Variants in BRD8 observed in about 807,000 individuals in gnomAD.
BRD8 encodes the protein bromodomain containing 8, also known as bromodomain-containing protein 8.
Under a neutral mutation model 143.1 loss-of-function variants are expected in BRD8, and 67 were observed. That is an observed-to-expected ratio of 0.47 (90% CI 0.38 to 0.57). The LOEUF (loss-of-function observed/expected upper bound fraction) is 0.57. Among genes scored for constraint, BRD8 ranks in the 20% least tolerant of loss-of-function variants. The pLI is 0.00. For synonymous variants in BRD8, 505 were observed against 517.1 expected, an observed-to-expected ratio of 0.98 and a Z score of 0.32; for missense variants, 1,103 against 1,503.0, an observed-to-expected ratio of 0.73 and a Z score of 4.40.
intron 2 of BRD8, among the ~76,000 whole-genome samples, chr5:138,176,989 G>A (rs1036037396): frequency 6.6e-6 from 1 of 151,464 alleles, no homozygotes; most frequent in African/African-American, 2.4e-5. Flanking sequence ...TCAAGAGGCT[G>A]AGGTGGAGGA....
At chr5:138,145,965 G>T in intron 23 of BRD8, 87 bp from the exon 24 acceptor site, 1 of 1,001,786 alleles carries the variant, frequency 1.0e-6, no homozygotes, top group South Asian at 1.4e-5. Flanking sequence ...GTTTTCTTAA[G>T]ACATGCTCCT....
intron 20 of BRD8, among the ~76,000 whole-genome samples, chr5:138,154,974 C>T (rs572240346): frequency 1.1e-3 from 172 of 151,724 alleles, no homozygotes; most frequent in African/African-American, 4.0e-3. Context: ...GGATTACAGG[C>T]GCCCACCACC....
intron 20 of BRD8, among the ~76,000 whole-genome samples, chr5:138,155,935 G>A (rs1752572379): frequency 6.6e-6 from 1 of 152,062 alleles, no homozygotes; most frequent in Non-Finnish European, 1.5e-5. Flanking sequence ...GTGCAGTGAT[G>A]CAATTATAGG....
chr5:138,167,966 G>A lies in BRD8; in HGVS notation c.755C>T (p.Pro252Leu). ...AGCAGGGGAGGCTGCAACAGTATTG[G>A]GTGTTTGCTGTATCTCCCCACCATG... ...MIHGGEIQQT[P>L]NTVAASPAAS... is the part of the protein sequence containing the mutation. The change falls in exon 9 of 27, where the codon CCC becomes CTC. Residue 252 changes from proline to leucine, a missense_variant. By Grantham distance (98) the Pro-to-Leu change is moderately conservative. Around this residue, in one of 7 missense-constraint regions of BRD8, gnomAD observed 334 missense variants for 372.5 expected, o/e 0.90. Transcript: ENST00000254900. The A allele has an allele frequency of 6.2e-7, 1 of 1,613,652 alleles. No homozygotes were observed. Among genetic ancestry groups the A allele is most frequent in the African/African-American group, 1.3e-5 (1 of 75,028 alleles).
At chr5:138,168,684 G>A in intron 8 of BRD8, 1 of 1,558,016 alleles carries the variant, frequency 6.4e-7, no homozygotes, top group South Asian at 1.1e-5. Context: ...AGTCCCGGGG[G>A]TTACCTAAGA....
chr5:138,167,559 T>TAA (rs1189523374), intron 9 of BRD8: 5 of 204,280 alleles, frequency 2.4e-5, no homozygotes, highest in Non-Finnish European at 5.0e-5. Context: ...AAAGCTAAGT[T>TAA]ACCTATCCAA....
intron 2 of BRD8, 113 bp from the exon 3 acceptor site, chr5:138,172,247 A>G: frequency 1.2e-6 from 1 of 825,766 alleles, no homozygotes; most frequent in Non-Finnish European, 2.0e-6. Flanking sequence ...GCGAATGGCC[A>G]GGCGCGGTGG....
At position 138,157,014 on chromosome 5, in the gene BRD8, T is replaced by C. The variant is rs1002845760; in HGVS notation, c.2577+2541A>G. ...CTAGCTACACATTAGGACATTAACA[T>C]AGCCCATGGTTTCTGCCCTAAAACA... On this transcript the variant is annotated intron_variant, in intron 20 of 26. Coordinates refer to ENST00000254900, the MANE Select transcript of BRD8 (RefSeq NM_139199.2). 6.3e-6 allele frequency: 9 copies of C among 1,431,568 alleles called. No homozygotes were observed. In the East Asian group the frequency reaches 7.5e-5, roughly 12 times the overall value. The allele number at this position is 1,431,568 out of a possible 1,614,324, so 88.7% of individuals were successfully genotyped here.
At chr5:138,148,818 A>G (rs1245595888) in intron 23 of BRD8, among the ~76,000 whole-genome samples, 2 of 151,970 alleles carry the variant, frequency 1.3e-5, no homozygotes. Flanking sequence ...TAATCCCAAC[A>G]CTTTAGGAGG....
In BRD8 at chr5:138,177,741, A is replaced by C. The variant is rs1754477056; in HGVS notation, c.20-74T>G. The C allele has an allele frequency of 7.9e-6, 7 of 883,472 alleles. 1 individual carries two copies. The Admixed American group carries it at 9.0e-5, about 11-fold the overall frequency. The allele number at this position is 883,472 out of a possible 1,614,324, so 54.7% of individuals were successfully genotyped here. On this transcript the variant is annotated intron_variant, in intron 1 of 26. Coordinates refer to ENST00000254900, the MANE Select transcript of BRD8 (RefSeq NM_139199.2). ...TGTAGTGCTAAGCTCCAAAATCCCC[A>C]AAAAGAGGACTAAAAGCCTAATACA...
intron 20 of BRD8, among the ~76,000 whole-genome samples, chr5:138,155,072 C>T (rs1752527570): frequency 6.6e-6 from 1 of 152,032 alleles, no homozygotes; most frequent in African/African-American, 2.4e-5. Context: ...CTCAAGTGAT[C>T]CGCCCACCTT....
At chr5:138,177,874 GAATTATT>G (rs1298949457) in intron 1 of BRD8, among the ~76,000 whole-genome samples, 2 of 152,130 alleles carry the variant, frequency 1.3e-5, no homozygotes, top group Admixed American at 6.5e-5. Context: ...CGTTGCATGT[GAATTATT>G]AACATTTTAT....
intron 6 of BRD8, 42 bp downstream of exon 6, chr5:138,170,790 T>C: frequency 6.5e-7 from 1 of 1,545,028 alleles, no homozygotes. Flanking sequence ...GAAAAGAGGG[T>C]AAAAAGAAAG....
At chr5:138,172,521 CAAAAAAAAAAAAA>C (rs10547758) in intron 2 of BRD8, among the ~76,000 whole-genome samples, 3 of 24,690 alleles carry the variant, frequency 1.2e-4, no homozygotes, top group East Asian at 6.2e-3. Flanking sequence ...GACTCCATCT[CAAAAAAAAAAAAA>C]AAAAAAAAAA....
chr5:138,152,823 A>G, intron 20 of BRD8, 63 bp from the exon 21 acceptor site: 5 of 1,538,802 alleles, frequency 3.2e-6, no homozygotes, highest in Non-Finnish European at 3.5e-6. Context: ...AGGCATCTCC[A>G]TCTCCCGAGT....
intron 11 of BRD8, among the ~76,000 whole-genome samples, chr5:138,165,467 T>C (rs910533266): frequency 6.6e-6 from 1 of 152,182 alleles, no homozygotes; most frequent in Non-Finnish European, 1.5e-5. Context: ...GGCTCATGCC[T>C]GTAATCTCAG....
Position 138,168,010 on chromosome 5 carries a change from G to A in BRD8, c.711C>T (p.Gly237=). Residue 237 remains glycine (G), a synonymous_variant, in exon 9 of 27, where the codon GGC becomes GGT. Coordinates refer to ENST00000254900, the MANE Select transcript of BRD8 (RefSeq NM_139199.2). ...CACCATGTATCATGGGAAGGACCCCGCCTACCTCCAGGAGGACACCTGTAC... is the reference window on the plus strand; with the variant it reads ...CACCATGTATCATGGGAAGGACCCCACCTACCTCCAGGAGGACACCTGTAC... The part of the protein sequence containing the change: ...LNSTGVLLEV[G]GVLPMIHGGE... The A allele has an allele frequency of 1.9e-6, 3 of 1,612,636 alleles. No homozygotes were observed. The highest frequency in any genetic ancestry group is 1.7e-4 in the Middle Eastern group (1 of 5,950).
chr5:138,152,908 G>A (rs1752426688), intron 20 of BRD8, 148 bp from the exon 21 acceptor site: 2 of 858,846 alleles, frequency 2.3e-6, no homozygotes, highest in Admixed American at 2.9e-5. Flanking sequence ...AAATCTTGCT[G>A]AAGGGAGACA....
chr5:138,157,364 G>T, intron 20 of BRD8: 1 of 1,513,590 alleles, frequency 6.6e-7, no homozygotes, highest in South Asian at 1.1e-5. Flanking sequence ...TTGGGGGAGA[G>T]GGAAGAGAAT....
Sources: gnomAD v4.1 joint callset for allele counts (sites outside exome capture counted in the v4.1 genomes callset) on GRCh38, gnomAD v4.1.1 for gene constraint, gnomAD v4.1.1 regional missense constraint, MANE v1.5 for transcripts, NCBI Gene and HGNC (gene_info 2026-07-23, HGNC 2026-07-21) for gene names.